The following ERICH6 variants were observed in gnomAD, a reference collection of about 807,000 sequenced individuals.
ERICH6 encodes glutamate-rich protein 6.
Under a neutral mutation model 71.0 loss-of-function variants are expected in ERICH6, and 71 were observed. The observed-to-expected ratio is 1.00, with a 90% CI of 0.83 to 1.22. The LOEUF is 1.22. Among genes scored for constraint, ERICH6 ranks in the 50% most tolerant of loss-of-function variants. ERICH6 has a pLI of 0.00. For synonymous variants in ERICH6, 262 were observed against 278.4 expected, an observed-to-expected ratio of 0.94 and a Z score of 0.59; for missense variants, 808 against 797.2, an observed-to-expected ratio of 1.01 and a Z score of -0.16.
chr3:150,668,399 T>C (rs1727493210), intron 12 of ERICH6, among the ~76,000 whole-genome samples: 1 of 152,100 alleles, frequency 6.6e-6, no homozygotes, highest in African/African-American at 2.4e-5. Context: ...AAAACCAATC[T>C]GGAAGAACCG....
chr3:150,701,561 A>C (rs918843879), intron 2 of ERICH6, among the ~76,000 whole-genome samples: 1 of 152,256 alleles, frequency 6.6e-6, no homozygotes, highest in Admixed American at 6.5e-5. Context: ...CCTTAGACTT[A>C]AGAATTCAAA....
At chr3:150,667,687 C>T (rs1331063783) in intron 12 of ERICH6, among the ~76,000 whole-genome samples, 2 of 152,182 alleles carry the variant, frequency 1.3e-5, no homozygotes, top group African/African-American at 4.8e-5. Flanking sequence ...CAGCACTAAT[C>T]GCTGTGCCAT....
chr3:150,672,255 T>TTA (rs929327217), intron 11 of ERICH6, among the ~76,000 whole-genome samples: 1 of 82,120 alleles, frequency 1.2e-5, no homozygotes, highest in South Asian at 4.1e-4. Context: ...AAGAATCCAT[T>TTA]TATATATACA....
chr3:150,680,829 A>G lies in ERICH6; in HGVS notation c.984T>C (p.His328=), dbSNP rs1037513725. Residue 328 remains histidine, a synonymous_variant, in exon 8 of 14, where the codon CAT becomes CAC. Coordinates refer to ENST00000295910, the MANE Select transcript of ERICH6 (RefSeq NM_152394.5). ...TGTCGACCTCACTACCATGGGCTGC[A>G]TGAGGGTCAATAGCAATTAATTCAG... ...PKAELIAIDP[H]AAHGSEVDRL... 1 of 1,614,128 alleles carries G rather than the reference A, an allele frequency of 6.2e-7. No homozygotes were observed. The highest frequency in any genetic ancestry group is 1.7e-4 in the Middle Eastern group (1 of 6,060).
rs759427362 is a variant in ERICH6, at chr3:150,686,373, T to C, written c.554-19A>G. The C allele has an allele frequency of 5.6e-6, 9 of 1,609,464 alleles. No homozygotes were observed. The African/African-American group carries it at 9.4e-5, about 17-fold the overall frequency. On this transcript the variant is annotated intron_variant, in intron 3 of 13. Transcript: ENST00000295910. ...TTCTTCCCTGTGAAAACAGGGTACA[T>C]GTGTCATCAATCTGACAAAGTAGAA...
Position 150,674,019 on chromosome 3 carries a change from T to G in ERICH6, c.1280A>C (p.Glu427Ala). The G allele has an allele frequency of 6.2e-7, 1 of 1,614,128 alleles. No individual in the cohort carries two copies. Among genetic ancestry groups the G allele is most frequent in the Non-Finnish European group, 8.5e-7 (1 of 1,179,982 alleles). The part of the protein sequence containing the change: ...CGKVVRNELL[E>A]KHYKHGSKFL... ...CTTGCTCCCATGTTTGTAGTGCTTC[T>G]CTAAGAGCTCATTCCTGACAACCTA... Residue 427 changes from glutamate (E) to alanine (A), a missense_variant, in exon 11 of 14, where the codon GAG (glutamate) becomes GCG (alanine). Around this residue, in one of 3 missense-constraint regions of ERICH6, gnomAD observed 736 missense variants for 712.2 expected, o/e 1.03. Transcript: ENST00000295910.
chr3:150,674,110 G>A (rs1267840023), intron 10 of ERICH6, 69 bp from the exon 11 acceptor site: 26 of 1,264,086 alleles, frequency 2.1e-5, no homozygotes, highest in Non-Finnish European at 2.8e-5. Flanking sequence ...GACAACAATG[G>A]ACATCAGCTG....
rs1713071161 is a variant in ERICH6, at chr3:150,703,841, C to A, written c.58G>T (p.Glu20Ter). 6.2e-7 allele frequency: 1 copy of A among 1,613,992 alleles called. No homozygotes were observed. The highest frequency in any genetic ancestry group is 8.5e-7 in the Non-Finnish European group (1 of 1,179,978). The change falls in exon 1 of 14, where the codon GAG (glutamate) becomes TAG (stop). Residue 20 changes from glutamate (E) to a stop codon, truncating the protein, a stop_gained. Coordinates refer to ENST00000295910, the MANE Select transcript of ERICH6 (RefSeq NM_152394.5). LOFTEE classifies it high-confidence loss of function. ...FGDPGKKDQK[E>*]SEEELEEEEE... ...TCCTCCTCTAACTCCTCCTCTGACT[C>A]CTTCTGGTCCTTCTTCCCCGGGTCT...
chr3:150,702,958 G>GAGAAA (rs1712967392), intron 1 of ERICH6, among the ~76,000 whole-genome samples: 1 of 136,238 alleles, frequency 7.3e-6, no homozygotes, highest in African/African-American at 2.7e-5. Context: ...GAGGGGGAGG[G>GAGAAA]GAGAGGGAGG....
At chr3:150,685,527 A>C (rs1576556960) in intron 6 of ERICH6, among the ~76,000 whole-genome samples, 1 of 152,110 alleles carries the variant, frequency 6.6e-6, no homozygotes, top group African/African-American at 2.4e-5. Context: ...CAAGACAGTA[A>C]GTTTCTGTTG....
In ERICH6 at chr3:150,660,140, C is replaced by T. The variant is rs1272096219; in HGVS notation, c.1744G>A (p.Glu582Lys). 6.2e-7 allele frequency: 1 copy of T among 1,612,664 alleles called. No homozygotes were observed. Among genetic ancestry groups the T allele is most frequent in the Non-Finnish European group, 8.5e-7 (1 of 1,178,974 alleles). ...GTKVKLPNPE[E>K]IPILRYVSGD... The stretch of plus-strand genomic sequence containing the variant: ...CTTACGTATCGGAGGATTGGAATCT[C>T]CTCAGGGTTTGGTAGCTTTTCAGCA... Residue 582 changes from glutamate to lysine, a missense_variant, in exon 14 of 14, where the codon GAG (glutamate) becomes AAG (lysine). This residue lies in a region of ERICH6 where 736 missense variants were observed against 712.2 expected (regional missense o/e 1.03). Transcript: ENST00000295910.
At position 150,703,646 on chromosome 3, in the gene ERICH6, C is replaced by T. The variant is rs574602629; in HGVS notation, c.253G>A (p.Gly85Ser). The T allele has an allele frequency of 1.2e-6, 2 of 1,613,984 alleles. No homozygotes were observed. The highest frequency in any genetic ancestry group is 2.2e-5 in the East Asian group (1 of 44,854). Residue 85 changes from glycine to serine, a missense_variant, in exon 1 of 14, where the codon GGT (glycine) becomes AGT (serine). Around this residue, in one of 3 missense-constraint regions of ERICH6, gnomAD observed 736 missense variants for 712.2 expected, o/e 1.03. Transcript: ENST00000295910. ...TCTGGGAAGTCGTCGTCGTAGTCACCGATGTCCGTGACCTTCCAGAGGTAC... is the reference window on the plus strand; with the variant it reads ...TCTGGGAAGTCGTCGTCGTAGTCACTGATGTCCGTGACCTTCCAGAGGTAC... ...EEYLWKVTDI[G>S]DYDDDFPDVR...
chr3:150,696,956 G>A (rs1015386916), intron 3 of ERICH6, among the ~76,000 whole-genome samples: 1 of 152,134 alleles, frequency 6.6e-6, no homozygotes, highest in East Asian at 1.9e-4. Flanking sequence ...AAGAGGAGGC[G>A]GCTTACTGTA....
rs375726638 is a variant in ERICH6, at chr3:150,682,201, C to T, written c.882+17G>A. 11 of 1,594,312 alleles carry T rather than the reference C, an allele frequency of 6.9e-6. No homozygotes were observed. The highest frequency in any genetic ancestry group is 9.5e-6 in the Non-Finnish European group (11 of 1,162,950). ...AAGATAATACTATTTCCACAGTAAACCTGACTTAGAACTTACATGCCCTTT... is the reference window on the plus strand; with the variant it reads ...AAGATAATACTATTTCCACAGTAAATCTGACTTAGAACTTACATGCCCTTT... On this transcript the variant is annotated intron_variant, in intron 7 of 13. Coordinates refer to ENST00000295910, the MANE Select transcript of ERICH6 (RefSeq NM_152394.5).
At chr3:150,676,792 A>G (rs1711671979) in intron 10 of ERICH6, among the ~76,000 whole-genome samples, 1 of 151,488 alleles carries the variant, frequency 6.6e-6, no homozygotes, top group Non-Finnish European at 1.5e-5. Context: ...ATGTGCTGCC[A>G]TGCCCAGCTA....
intron 10 of ERICH6, among the ~76,000 whole-genome samples, chr3:150,676,671 C>T (rs960861420): frequency 2.2e-4 from 34 of 152,156 alleles, no homozygotes; most frequent in African/African-American, 7.5e-4. Context: ...AGATGGGGGT[C>T]TTGATCTGTC....
Position 150,680,474 on chromosome 3 carries a change from C to G in ERICH6, c.1105G>C (p.Glu369Gln), listed in dbSNP as rs754077814. ...TCAGCACTAATGAACTCACCATCTT[C>G]AGAGAAATGAGTCTGTTCCCTTGAT... is the stretch of plus-strand genomic sequence containing the variant. ...IISREQTHFS[E>Q]DDSKRLKTIS... The change falls in exon 9 of 14, where the codon GAA (glutamate) becomes CAA (glutamine). Residue 369 changes from glutamate (E) to glutamine (Q), a missense_variant. Physicochemically the swap from Glu to Gln is conservative, Grantham distance 29 (BLOSUM62 2). This residue lies in a region of ERICH6 where 736 missense variants were observed against 712.2 expected (regional missense o/e 1.03). Coordinates refer to ENST00000295910, the MANE Select transcript of ERICH6 (RefSeq NM_152394.5). 2 of 1,614,154 alleles carry G rather than the reference C, an allele frequency of 1.2e-6. No homozygotes were observed. The highest frequency in any genetic ancestry group is 1.7e-6 in the Non-Finnish European group (2 of 1,179,992).
At position 150,680,950 on chromosome 3, in the gene ERICH6, C is replaced by G; in HGVS notation, c.883-20G>C. 1 of 1,596,558 alleles carries G rather than the reference C, an allele frequency of 6.3e-7. No individual in the cohort carries two copies. Among genetic ancestry groups the G allele is most frequent in the South Asian group, 1.1e-5 (1 of 88,038 alleles). On this transcript the variant is annotated intron_variant, in intron 7 of 13. Transcript: ENST00000295910. ...GGAGGCCTGGAAAACACAGAAGTTA[C>G]TCTCATCTCATTAGTCCTAGATGAG...
intron 6 of ERICH6, among the ~76,000 whole-genome samples, chr3:150,684,894 T>C (rs1043065639): frequency 6.6e-6 from 1 of 152,090 alleles, no homozygotes; most frequent in African/African-American, 2.4e-5. Context: ...TGGTCCCAGC[T>C]ACTTGGGAGA....
Sources: gnomAD v4.1 joint callset for allele counts (sites outside exome capture counted in the v4.1 genomes callset) on GRCh38, gnomAD v4.1.1 for gene constraint, gnomAD v4.1.1 regional missense constraint, MANE v1.5 for transcripts, NCBI Gene and HGNC (gene_info 2026-07-23, HGNC 2026-07-21) for gene names.